TTC28: variants seen among roughly 807,000 people sequenced by gnomAD.
TTC28 encodes tetratricopeptide repeat domain 28.
In TTC28, 61 loss-of-function variants were observed where a neutral mutation model predicts 198.0. The observed-to-expected ratio is 0.31, with a 90% confidence interval of 0.25 to 0.38. The LOEUF (loss-of-function observed/expected upper bound fraction) is 0.38. Among genes scored for constraint, TTC28 ranks in the 10% least tolerant of loss-of-function variants. TTC28 has a pLI of 1.00. For missense variants in TTC28, 2,678 were observed against 3,164.0 expected, an observed-to-expected ratio of 0.85 and a Z score of 3.69; for synonymous variants, 1,171 against 1,297.8, an observed-to-expected ratio of 0.90 and a Z score of 2.10.
intron 2 of TTC28, among the ~76,000 whole-genome samples, chr22:28,388,302 G>C (rs1429858825): frequency 6.6e-6 from 1 of 152,100 alleles, no homozygotes; most frequent in Non-Finnish European, 1.5e-5. Flanking sequence ...TTGTTCTTTT[G>C]GCTTAGGAAT....
chr22:28,008,018 C>A (rs138660), intron 14 of TTC28: 12,083 of 152,280 alleles, frequency 0.079, 512 homozygotes, highest in South Asian at 0.091. Context: ...GCCAGTCTCA[C>A]AGGCCTCATC....
chr22:28,458,817 C>T (rs925113317), intron 2 of TTC28, among the ~76,000 whole-genome samples: 1 of 150,618 alleles, frequency 6.6e-6, no homozygotes, highest in African/African-American at 2.4e-5. Context: ...GGAGGCAGAG[C>T]TTTCAGTGAG....
chr22:28,498,139 T>TAA (rs544196151), intron 2 of TTC28, among the ~76,000 whole-genome samples: 1 of 139,434 alleles, frequency 7.2e-6, no homozygotes, highest in African/African-American at 2.6e-5. Flanking sequence ...AGCCTTCCGT[T>TAA]AAAAAAAAAA....
chr22:28,068,126 AT>A (rs1430770273), intron 12 of TTC28, among the ~76,000 whole-genome samples: 1 of 152,156 alleles, frequency 6.6e-6, no homozygotes, highest in Non-Finnish European at 1.5e-5. Flanking sequence ...CTCCATTACA[AT>A]TAAAGACTTT....
intron 2 of TTC28, among the ~76,000 whole-genome samples, chr22:28,441,884 G>GT (rs200797101): frequency 1.8e-5 from 2 of 112,832 alleles, no homozygotes; most frequent in East Asian, 2.7e-4. Flanking sequence ...GGTATTTGAA[G>GT]TTTAAAAAAA....
Position 27,983,649 on chromosome 22 carries a change from G to A in TTC28, c.6018C>T (p.Ser2006=), listed in dbSNP as rs1302843528. The change falls in exon 23 of 23, where the codon TCC becomes TCT. Residue 2006 remains serine (S), a synonymous_variant. Transcript: ENST00000397906. ...CACCCTCTGATCCACCCTCGGGTTTGGAGACAAAGCTCATTGAGGAGGCAA... is the reference window on the plus strand; with the variant it reads ...CACCCTCTGATCCACCCTCGGGTTTAGAGACAAAGCTCATTGAGGAGGCAA... ...SSIASSMSFV[S]KPEGGSEGGG... 2.6e-6 allele frequency: 4 copies of A among 1,544,274 alleles called. No individual in the cohort carries two copies. In the Admixed American group the frequency reaches 6.0e-5, roughly 23 times the overall value.
Position 27,983,753 on chromosome 22 carries a change from A to C in TTC28, c.5914T>G (p.Tyr1972Asp). The C allele has an allele frequency of 1.9e-6, 3 of 1,551,724 alleles. No homozygotes were observed. The highest frequency in any genetic ancestry group is 2.6e-6 in the Non-Finnish European group (3 of 1,147,002). ...GTGGGAGAGAAGGGGGGTTGCTGGT[A>C]ACCCAAGGGCAGGGCGTTGGAAACA... ...QSVSNALPLG[Y>D]QQPPFSPTGA... The change falls in exon 23 of 23, where the codon TAC becomes GAC. Residue 1972 changes from tyrosine to aspartate, a missense_variant. By Grantham distance (160) the Tyr-to-Asp change is radical. Around this residue, in one of 8 missense-constraint regions of TTC28, gnomAD observed 622 missense variants for 656.0 expected, o/e 0.95. Coordinates refer to ENST00000397906, the MANE Select transcript of TTC28 (RefSeq NM_001145418.2).
chr22:28,675,735 T>TCTCACACACA (rs1555910099), intron 1 of TTC28, among the ~76,000 whole-genome samples: 1 of 135,118 alleles, frequency 7.4e-6, no homozygotes, highest in Non-Finnish European at 1.6e-5. Flanking sequence ...TGAAACCCTG[T>TCTCACACACA]CACACACACA....
At chr22:28,193,196 A>G (rs1194160170) in intron 5 of TTC28, among the ~76,000 whole-genome samples, 1 of 152,212 alleles carries the variant, frequency 6.6e-6, no homozygotes. Flanking sequence ...AGCTTCATTA[A>G]GTGAAGGAGA....
chr22:28,083,585 C>T (rs1601599082), intron 12 of TTC28, among the ~76,000 whole-genome samples: 1 of 152,346 alleles, frequency 6.6e-6, no homozygotes, highest in Non-Finnish European at 1.5e-5. Flanking sequence ...CCAGCGTGAG[C>T]GATGCAGAAG....
chr22:28,312,903 A>G (rs886252787), intron 2 of TTC28, among the ~76,000 whole-genome samples: 4 of 152,340 alleles, frequency 2.6e-5, no homozygotes, highest in Non-Finnish European at 4.4e-5. Flanking sequence ...AAAACCTTCA[A>G]AAAATCAATG....
chr22:28,113,131 C>T (rs530003446), intron 6 of TTC28, among the ~76,000 whole-genome samples: 3 of 152,118 alleles, frequency 2.0e-5, no homozygotes, highest in Admixed American at 2.0e-4. Context: ...GTGAGCTGCA[C>T]AAGCCAAGCA....
intron 2 of TTC28, among the ~76,000 whole-genome samples, chr22:28,529,601 C>T (rs144348322): frequency 0.035 from 5,265 of 152,328 alleles, 111 homozygotes; most frequent in African/African-American, 0.046. Context: ...AACAGACAGA[C>T]TGCCTCAAGT....
At position 28,308,603 on chromosome 22, in the gene TTC28, G is replaced by A. The variant is rs78241368; in HGVS notation, c.382-1960C>T. Among the ~76,000 whole-genome samples the A allele has an allele frequency of 5.8e-4, 89 of 152,230 alleles. No individual in the cohort carries two copies. The East Asian group carries it at 0.012, about 20-fold the overall frequency. The stretch of plus-strand genomic sequence containing the variant: ...AAAAGTATGATTTACCTACTGCTAG[G>A]GAGGTAGGTAAAGTTCAGTGTTAAA... On this transcript the variant is annotated intron_variant, in intron 2 of 22. Transcript: ENST00000397906.
At chr22:28,266,492 T>A (rs1263056982) in intron 5 of TTC28, among the ~76,000 whole-genome samples, 1 of 152,208 alleles carries the variant, frequency 6.6e-6, no homozygotes, top group Non-Finnish European at 1.5e-5. Context: ...TTCAGCCTCG[T>A]TCCCTTGCCT....
chr22:28,318,076 T>A (rs1251723746), intron 2 of TTC28, among the ~76,000 whole-genome samples: 1 of 127,622 alleles, frequency 7.8e-6, no homozygotes, highest in Non-Finnish European at 1.8e-5. Context: ...CTAATTAATT[T>A]TTTTTTTTTT....
At position 28,600,438 on chromosome 22, in the gene TTC28, A is replaced by G. The variant is rs138688319; in HGVS notation, c.381+29114T>C. On this transcript the variant is annotated intron_variant, in intron 2 of 22. Transcript: ENST00000397906. Reference sequence around the variant, plus strand: ...AAACTAAAAATATGTTCGAGGACATATATCTCAATGAATGCATGCATTAAA... The same window carrying G: ...AAACTAAAAATATGTTCGAGGACATGTATCTCAATGAATGCATGCATTAAA... 1.5e-3 allele frequency among the ~76,000 whole-genome samples: 229 copies of G among 152,312 alleles called. 1 individual carries two copies. The highest frequency in any genetic ancestry group is 2.7e-3 in the Non-Finnish European group (184 of 68,024).
chr22:28,622,981 C>T (rs374111893), intron 2 of TTC28, among the ~76,000 whole-genome samples: 107 of 152,168 alleles, frequency 7.0e-4, no homozygotes, highest in African/African-American at 2.3e-3. Flanking sequence ...GCCACCACAC[C>T]GAGCTAATTT....
At chr22:28,010,977 C>T in intron 14 of TTC28, among the ~76,000 whole-genome samples, 1 of 152,194 alleles carries the variant, frequency 6.6e-6, no homozygotes, top group Non-Finnish European at 1.5e-5. Context: ...TCCTTGCCTT[C>T]AGGGACTGTA....
Sources: allele counts gnomAD v4.1 joint callset (sites outside exome capture counted in the v4.1 genomes callset), GRCh38; gene constraint gnomAD v4.1.1; regional missense constraint gnomAD v4.1.1; transcripts MANE v1.5; gene names NCBI Gene and HGNC (gene_info 2026-07-23, HGNC 2026-07-21).